SYNE2: variants seen among roughly 807,000 people sequenced by gnomAD.
The protein encoded by SYNE2 is spectrin repeat containing nuclear envelope protein 2.
SYNE2 carries 431 observed loss-of-function variants against 856.3 expected under a neutral mutation model. That is an observed-to-expected ratio of 0.50 (90% CI 0.47 to 0.55). The LOEUF is 0.55. SYNE2 is among the 20% of genes least tolerant of loss of function. The pLI is 0.00. For synonymous variants in SYNE2, 2,923 were observed against 2,872.3 expected, an observed-to-expected ratio of 1.02 and a Z score of -0.56; for missense variants, 8,129 against 8,023.2, an observed-to-expected ratio of 1.01 and a Z score of -0.50.
In SYNE2 at chr14:64,218,445, G is replaced by C. The variant is rs762795556; in HGVS notation, c.19590G>C (p.Pro6530=). 1 of 1,613,984 alleles carries C rather than the reference G, an allele frequency of 6.2e-7. No individual in the cohort carries two copies. The highest frequency in any genetic ancestry group is 1.3e-5 in the African/African-American group (1 of 74,910). Residue 6530 remains proline, a synonymous_variant, in exon 109 of 116, where the codon CCG becomes CCC. Transcript: ENST00000555002. ...PPGTDGGKEG[P]RVLNGNPQQE... ...GCACGGATGGTGGCAAAGAAGGCCC[G>C]CGAGTCCTGAATGGCAACCCACAGC... is the stretch of plus-strand genomic sequence containing the variant.
Position 64,167,657 on chromosome 14 carries a change from G to T in SYNE2, c.16905+18G>T, listed in dbSNP as rs1190157290. ...CCTATAAGGTAAACCTGTGTTCTCT[G>T]CCACCCTTGAACCGCTCATCTGGGG... On this transcript the variant is annotated intron_variant, in intron 92 of 115. Transcript: ENST00000555002. The T allele has an allele frequency of 6.2e-7, 1 of 1,614,116 alleles. No homozygotes were observed. Among genetic ancestry groups the T allele is most frequent in the Non-Finnish European group, 8.5e-7 (1 of 1,180,002 alleles).
intron 1 of SYNE2, among the ~76,000 whole-genome samples, chr14:63,900,456 T>TC (rs2095321898): frequency 6.6e-6 from 1 of 151,758 alleles, no homozygotes; most frequent in African/African-American, 2.4e-5. Context: ...GCAGGAAAAC[T>TC]CCCCCAATAG....
rs1458370274 is a variant in SYNE2, at chr14:64,070,658, C to G, written c.10445C>G (p.Ala3482Gly). 2.5e-6 allele frequency: 4 copies of G among 1,613,032 alleles called. No homozygotes were observed. The African/African-American group carries it at 5.3e-5, about 22-fold the overall frequency. ...TTTTTGAATTAGATTGAACGAGAGG[C>G]AATTATTTTAGATAATCTTCAGGAA... ...KFVSEEIERE[A>G]IILDNLQEEL... Residue 3482 changes from alanine to glycine, a missense_variant, in exon 52 of 116, where the codon GCA becomes GGA. Around this residue, in one of 3 missense-constraint regions of SYNE2, gnomAD observed 5,410 missense variants for 5,284.8 expected, o/e 1.02. Transcript: ENST00000555002.
rs867083199 is a variant in SYNE2, at chr14:64,053,766, C to T, written c.9744+109C>T. The stretch of plus-strand genomic sequence containing the variant: ...CGGATCACTTGAGGCCAAGTAGAGA[C>T]CAGCCTGGCCAACATGGCAAAACTG... On this transcript the variant is annotated intron_variant, in intron 48 of 115. Transcript: ENST00000555002. 5 of 1,067,340 alleles carry T rather than the reference C, an allele frequency of 4.7e-6. No homozygotes were observed. The South Asian group carries it at 6.6e-5, about 14-fold the overall frequency. 66.1% of individuals were successfully genotyped at this position (1,067,340 alleles called of 1,614,324 possible).
At chr14:64,138,853 A>C (rs987125709) in intron 79 of SYNE2, among the ~76,000 whole-genome samples, 2 of 151,672 alleles carry the variant, frequency 1.3e-5, no homozygotes, top group Non-Finnish European at 2.9e-5. Flanking sequence ...ACCTCGGGCA[A>C]ATACGTTGGG....
In SYNE2 at chr14:64,056,273, C is replaced by T. The variant is rs1434996440; in HGVS notation, c.10067+7C>T. ...AGGAAACTGAGGCAGAAAGGTAGGTCCTCTTCCAAAGGTAATCTTTAAGAA... is the reference window on the plus strand; with the variant it reads ...AGGAAACTGAGGCAGAAAGGTAGGTTCTCTTCCAAAGGTAATCTTTAAGAA... On this transcript the variant is annotated splice_region_variant and intron_variant, in intron 49 of 115. Coordinates refer to ENST00000555002, the MANE Select transcript of SYNE2 (RefSeq NM_182914.3). 1 of 1,610,954 alleles carries T rather than the reference C, an allele frequency of 6.2e-7. No homozygotes were observed. Among genetic ancestry groups the T allele is most frequent in the Admixed American group, 1.7e-5 (1 of 59,922 alleles).
rs747039964 is a variant in SYNE2, at chr14:64,016,618, A to G, written c.4874A>G (p.Asp1625Gly). ...GAAAAAGAGGCTAATATTATTGTGG[A>G]TAGATGGCTTGATGTAAGTGATAAT... ...PFEKEANIIV[D>G]RWLDINEKTE... The change falls in exon 33 of 116, where the codon GAT becomes GGT. Residue 1625 changes from aspartate (D) to glycine (G), a missense_variant. Physicochemically the swap from Asp to Gly is moderately conservative, Grantham distance 94 (BLOSUM62 -1). Transcript: ENST00000555002. 1.3e-6 allele frequency: 2 copies of G among 1,595,282 alleles called. No homozygotes were observed. Among genetic ancestry groups the G allele is most frequent in the South Asian group, 1.1e-5 (1 of 88,496 alleles).
Position 64,074,007 on chromosome 14 carries a change from G to A in SYNE2, c.10737G>A (p.Gln3579=), listed in dbSNP as rs747459160. The change falls in exon 53 of 116, where the codon CAG becomes CAA. Residue 3579 remains glutamine, a synonymous_variant. Coordinates refer to ENST00000555002, the MANE Select transcript of SYNE2 (RefSeq NM_182914.3). ...TTCAGAAAAATAAAGAATTGGTGCA[G>A]ACTGAAATCCAAGAAAGACATTCCT... ...QKVQKNKELV[Q]TEIQERHSFT... is the part of the protein sequence containing the mutation. 1 of 1,614,190 alleles carries A rather than the reference G, an allele frequency of 6.2e-7. No individual in the cohort carries two copies. The highest frequency in any genetic ancestry group is 1.1e-5 in the South Asian group (1 of 91,076).
At chr14:64,118,945 G>A (rs2097876184) in intron 66 of SYNE2, among the ~76,000 whole-genome samples, 1 of 152,022 alleles carries the variant, frequency 6.6e-6, no homozygotes, top group Admixed American at 6.6e-5. Context: ...TCAAGCACTG[G>A]CCAAAGTACA....
At chr14:64,017,840 G>GGAT in intron 34 of SYNE2, 84 bp downstream of exon 34, 1 of 1,365,378 alleles carries the variant, frequency 7.3e-7, no homozygotes, top group Admixed American at 1.7e-5. Flanking sequence ...ACAAACATTA[G>GGAT]GATGCTCATA....
chr14:63,949,119 A>G (rs991213106), intron 6 of SYNE2, among the ~76,000 whole-genome samples: 2 of 151,998 alleles, frequency 1.3e-5, no homozygotes, highest in Admixed American at 1.3e-4. Context: ...AATGTATTAA[A>G]TACTTTTACG....
At chr14:64,210,514 C>T (rs563292641) in intron 103 of SYNE2, among the ~76,000 whole-genome samples, 2 of 152,330 alleles carry the variant, frequency 1.3e-5, no homozygotes, top group African/African-American at 2.4e-5. Context: ...GGACCCCCCC[C>T]AGCTCTCGCA....
chr14:64,197,620 A>T (rs1256506627), intron 99 of SYNE2, among the ~76,000 whole-genome samples: 4 of 152,232 alleles, frequency 2.6e-5, no homozygotes, highest in Admixed American at 2.0e-4. Context: ...TAAATTAGGC[A>T]TAGGAATTTT....
intron 46 of SYNE2, 103 bp downstream of exon 46, chr14:64,048,258 T>G: frequency 9.2e-7 from 1 of 1,084,318 alleles, no homozygotes; most frequent in East Asian, 2.6e-5. Flanking sequence ...GTGAAAAGTC[T>G]TATTTAACCT....
intron 88 of SYNE2, 23 bp from the exon 89 acceptor site, chr14:64,163,379 T>G: frequency 6.2e-7 from 1 of 1,613,256 alleles, no homozygotes; most frequent in Non-Finnish European, 8.5e-7. Flanking sequence ...AAGAGGTGTT[T>G]GCCATCCCTT....
chr14:63,782,877 AT>A (rs1354596307), intron 1 of SYNE2, among the ~76,000 whole-genome samples: 1 of 152,024 alleles, frequency 6.6e-6, no homozygotes, highest in Non-Finnish European at 1.5e-5. Context: ...AAATAATTAA[AT>A]TTTGTTTAAT....
intron 46 of SYNE2, chr14:64,049,051 G>A (rs1249983023): frequency 6.6e-6 from 1 of 152,118 alleles, no homozygotes; most frequent in Non-Finnish European, 1.5e-5. Flanking sequence ...TTTAGATATT[G>A]CAGAACTCTT....
chr14:63,968,117 C>G (rs370168327), intron 11 of SYNE2, among the ~76,000 whole-genome samples: 13 of 152,034 alleles, frequency 8.6e-5, no homozygotes, highest in South Asian at 6.2e-4. Flanking sequence ...GAGCCGGGAT[C>G]GTACCACTGC....
chr14:63,909,631 C>G (rs550064577), intron 2 of SYNE2, among the ~76,000 whole-genome samples: 1 of 152,280 alleles, frequency 6.6e-6, no homozygotes, highest in South Asian at 2.1e-4. Flanking sequence ...CACCCAAGGT[C>G]AGGAGTTCGA....
Sources: gnomAD v4.1 joint callset for allele counts (sites outside exome capture counted in the v4.1 genomes callset) on GRCh38, gnomAD v4.1.1 for gene constraint, gnomAD v4.1.1 regional missense constraint, MANE v1.5 for transcripts, NCBI Gene and HGNC (gene_info 2026-07-23, HGNC 2026-07-21) for gene names.